The following ZC3H12B variants were observed in gnomAD, a reference collection of about 807,000 sequenced individuals.
ZC3H12B encodes zinc finger CCCH-type containing 12B.
ZC3H12B carries 7 observed loss-of-function variants against 43.9 expected under a neutral mutation model. That is an observed-to-expected ratio of 0.16 (90% CI 0.09 to 0.30). ZC3H12B has a LOEUF of 0.30. Ranked by LOEUF, ZC3H12B falls within the 10% of genes least tolerant of loss-of-function variation. The pLI is 1.00. For synonymous variants in ZC3H12B, 222 were observed against 241.7 expected (o/e 0.92, Z 0.76); for missense variants, 475 against 670.2 (o/e 0.71, Z 3.22).
the ZC3H12B span, chrX:65,184,918 G>A: frequency 9.0e-6 from 1 of 111,370 alleles, no homozygotes; most frequent in Non-Finnish European, 1.9e-5. Context: ...ACTGAGTGAT[G>A]TTTTCATACA....
the ZC3H12B span, among the ~76,000 whole-genome samples, chrX:65,116,103 T>C: frequency 2.7e-5 from 3 of 111,588 alleles, no homozygotes; most frequent in Non-Finnish European, 5.7e-5. Context: ...TTTTGGGTTC[T>C]TGGTCATGAA....
At chrX:65,173,487 C>T in the ZC3H12B span, among the ~76,000 whole-genome samples, 87 of 111,631 alleles carry the variant, frequency 7.8e-4, no homozygotes, top group Middle Eastern at 4.6e-3. Context: ...AGAGGGCGTC[C>T]TTGTCTTGTG....
At chrX:65,307,077 T>A in the ZC3H12B span, among the ~76,000 whole-genome samples, 1 of 112,683 alleles carries the variant, frequency 8.9e-6, no homozygotes, top group Non-Finnish European at 1.9e-5. Context: ...ATACTCATCT[T>A]CTTGCTTGTG....
the ZC3H12B span, among the ~76,000 whole-genome samples, chrX:65,126,497 G>T: frequency 9.0e-6 from 1 of 111,013 alleles, no homozygotes; most frequent in African/African-American, 3.3e-5. Flanking sequence ...AATTTCCCAG[G>T]TGTTCTTTGA....
chrX:65,479,131 A>G (rs1280118931), intron 3 of ZC3H12B, among the ~76,000 whole-genome samples: 2 of 111,442 alleles, frequency 1.8e-5, no homozygotes, highest in African/African-American at 3.3e-5. Flanking sequence ...TAATAATTCT[A>G]TGGAGATGGG....
At chrX:65,358,378 A>G in the ZC3H12B span, among the ~76,000 whole-genome samples, 1 of 112,101 alleles carries the variant, frequency 8.9e-6, no homozygotes, top group South Asian at 3.7e-4. Context: ...AACAGAATAT[A>G]CATTCTTCTC....
chrX:65,205,965 G>C, the ZC3H12B span, among the ~76,000 whole-genome samples: 1 of 111,660 alleles, frequency 9.0e-6, no homozygotes, highest in Non-Finnish European at 1.9e-5. Flanking sequence ...CTAAGGACTT[G>C]AAAGACCTTT....
chrX:65,050,619 G>T, the ZC3H12B span, among the ~76,000 whole-genome samples: 1 of 111,039 alleles, frequency 9.0e-6, no homozygotes, highest in East Asian at 2.8e-4. Context: ...TTTGTTGAGA[G>T]TTTGTCACAA....
rs762531463 is a variant in ZC3H12B at position 65,378,896 on chromosome X, C to T, written n.295+9898C>T. 1.1e-4 allele frequency among the ~76,000 whole-genome samples: 12 copies of T among 112,528 alleles called. No individual in the cohort carries two copies. The South Asian group carries it at 1.1e-3, about 10-fold the overall frequency. On this transcript the variant is annotated intron_variant and non_coding_transcript_variant, in intron 2 of 5. Coordinates refer to the ZC3H12B transcript ENST00000617377. ...CTCCCACCCTAATACTGCGCTTTTC[C>T]GATGGGCATAAAAAATGGCGCACCA...
At chrX:65,220,516 G>T in the ZC3H12B span, among the ~76,000 whole-genome samples, 1 of 111,931 alleles carries the variant, frequency 8.9e-6, no homozygotes. Context: ...GATATTTTAT[G>T]CAAATGGACA....
At chrX:65,233,896 C>T in the ZC3H12B span, among the ~76,000 whole-genome samples, 14 of 111,192 alleles carry the variant, frequency 1.3e-4, no homozygotes, top group African/African-American at 1.3e-4. Flanking sequence ...GACATTACAG[C>T]GGATACCACA....
the ZC3H12B span, among the ~76,000 whole-genome samples, chrX:65,116,787 T>C: frequency 9.1e-6 from 1 of 110,429 alleles, no homozygotes; most frequent in Non-Finnish European, 1.9e-5. Flanking sequence ...CATTGTTCAA[T>C]TCCAACCTAT....
chrX:65,366,441 ATTTAT>A (rs1272991500), upstream of ZC3H12B, among the ~76,000 whole-genome samples: 1 of 112,204 alleles, frequency 8.9e-6, no homozygotes, highest in Non-Finnish European at 1.9e-5. Flanking sequence ...GCTATGCCAC[ATTTAT>A]TTTAGTTTAC....
the ZC3H12B span, among the ~76,000 whole-genome samples, chrX:65,113,472 G>A: frequency 9.1e-6 from 1 of 110,376 alleles, no homozygotes. Flanking sequence ...ACCAAGGTGG[G>A]AGGATCACTT....
At chrX:65,257,894 A>T in the ZC3H12B span, among the ~76,000 whole-genome samples, 8 of 111,341 alleles carry the variant, frequency 7.2e-5, no homozygotes, top group African/African-American at 2.6e-4. Context: ...TAATAAAAAG[A>T]CTACCAACTG....
chrX:65,253,355 G>A, the ZC3H12B span, among the ~76,000 whole-genome samples: 2 of 112,220 alleles, frequency 1.8e-5, no homozygotes, highest in African/African-American at 6.5e-5. Flanking sequence ...TCTCACCACA[G>A]ACCTGTAGAA....
chrX:65,491,749 A>G (rs1397902703), intron 1 of ZC3H12B, among the ~76,000 whole-genome samples: 1 of 107,036 alleles, frequency 9.3e-6, no homozygotes, highest in Non-Finnish European at 1.9e-5. Context: ...CATATTTGCT[A>G]GTATCAGAGA....
the ZC3H12B span, among the ~76,000 whole-genome samples, chrX:65,259,495 G>A: frequency 1.8e-5 from 2 of 111,862 alleles, no homozygotes; most frequent in Non-Finnish European, 3.8e-5. Flanking sequence ...TCTGGATATA[G>A]GACCTACCAA....
At chrX:65,502,242 A>G in exon 5 of ZC3H12B, 2 of 1,211,418 alleles carry the variant, frequency 1.7e-6, no homozygotes. Flanking sequence ...AGCATGCAGT[A>G]TCCTCCCATC....
Sources: gnomAD v4.1 joint callset for allele counts (sites outside exome capture counted in the v4.1 genomes callset) on GRCh38, gnomAD v4.1.1 for gene constraint, MANE v1.5 for transcripts, NCBI Gene and HGNC (gene_info 2026-07-23, HGNC 2026-07-21) for gene names.